HNRNPM: variants seen among roughly 807,000 people sequenced by gnomAD.
The protein encoded by HNRNPM is heterogeneous nuclear ribonucleoprotein M.
Under a neutral mutation model 73.1 loss-of-function variants are expected in HNRNPM, and 11 were observed. The ratio of observed to expected loss-of-function variants is 0.15; its 90% CI spans 0.09 to 0.25. The LOEUF (loss-of-function observed/expected upper bound fraction) is 0.25, where lower values mean the gene tolerates loss of function less well. Ranked by LOEUF, HNRNPM falls within the 10% of genes least tolerant of loss-of-function variation. The probability of loss-of-function intolerance (pLI) is 1.00; values close to 1 mark genes in which losing one functional copy is unlikely to be tolerated. For missense variants in HNRNPM, 789 were observed against 1,067.9 expected (o/e 0.74, Z 3.64); for synonymous variants, 407 against 355.2 (o/e 1.15, Z -1.64).
At chr19:8,469,975 T>C (rs1467841050) in intron 9 of HNRNPM, among the ~76,000 whole-genome samples, 1 of 152,208 alleles carries the variant, frequency 6.6e-6, no homozygotes, top group East Asian at 1.9e-4. Flanking sequence ...TAGAGAAGGA[T>C]TGCATTTCCT....
intron 1 of HNRNPM, among the ~76,000 whole-genome samples, chr19:8,447,458 G>A (rs1011007180): frequency 1.2e-4 from 19 of 152,240 alleles, no homozygotes; most frequent in Middle Eastern, 3.4e-3. Flanking sequence ...GGTGACCTCC[G>A]CCACCTGCTG....
intron 5 of HNRNPM, 106 bp downstream of exon 5, chr19:8,463,792 G>A: frequency 1.4e-6 from 1 of 717,754 alleles, no homozygotes; most frequent in Non-Finnish European, 2.4e-6. Context: ...TACAAAGCAA[G>A]TGCCAGCCTG....
At chr19:8,446,179 C>A (rs949963917) in intron 1 of HNRNPM, among the ~76,000 whole-genome samples, 1 of 152,144 alleles carries the variant, frequency 6.6e-6, no homozygotes, top group African/African-American at 2.4e-5. Context: ...GCCATTTTAA[C>A]CATTTTTTAA....
intron 5 of HNRNPM, 153 bp downstream of exon 5, chr19:8,463,839 C>T (rs1030009660): frequency 3.3e-6 from 2 of 600,598 alleles, no homozygotes; most frequent in Admixed American, 5.9e-5. Context: ...TAGCCTACAG[C>T]AGCCATTCCC....
intron 2 of HNRNPM, among the ~76,000 whole-genome samples, chr19:8,457,819 A>G (rs1398675167): frequency 2.0e-5 from 3 of 152,232 alleles, no homozygotes; most frequent in African/African-American, 7.2e-5. Context: ...TTTGTTGCGC[A>G]TAAGTTTTAA....
Position 8,465,497 on chromosome 19 carries a change from C to T in HNRNPM, c.612C>T (p.Ser204=). The T allele has an allele frequency of 6.2e-7, 1 of 1,608,770 alleles. No homozygotes were observed. Among genetic ancestry groups the T allele is most frequent in the Non-Finnish European group, 8.5e-7 (1 of 1,177,180 alleles). Residue 204 remains serine (S), a synonymous_variant, in exon 6 of 16, where the codon AGC becomes AGT. Transcript: ENST00000325495. ...IHALQAGRLG[S]TVFVANLDYK... is the part of the protein sequence containing the mutation. ...CATTACAGGCTGGAAGACTTGGAAG[C>T]ACAGTATTTGTAGCAAATGTAAGTA...
chr19:8,488,494 G>T (rs748607578), intron 15 of HNRNPM, 197 bp from the exon 16 acceptor site: 2 of 464,792 alleles, frequency 4.3e-6, no homozygotes, highest in Admixed American at 3.6e-5. Context: ...CCGCCAGGAA[G>T]GCTTTTCATG....
At chr19:8,455,671 G>C (rs1968954421) in intron 2 of HNRNPM, 97 bp downstream of exon 2, 2 of 902,508 alleles carry the variant, frequency 2.2e-6, no homozygotes, top group East Asian at 5.0e-5. Context: ...AAGCGGCTCT[G>C]GGTAGAGCAT....
At chr19:8,457,306 T>G (rs1296788041) in intron 2 of HNRNPM, among the ~76,000 whole-genome samples, 1 of 152,204 alleles carries the variant, frequency 6.6e-6, no homozygotes. Context: ...CCATGGTGTT[T>G]CTGGATGTAG....
Position 8,485,838 on chromosome 19 carries a change from G to A in HNRNPM, c.1410G>A (p.Glu470=). Residue 470 remains glutamate, a synonymous_variant, in exon 14 of 16, where the codon GAG becomes GAA. Coordinates refer to ENST00000325495, the MANE Select transcript of HNRNPM (RefSeq NM_005968.5). Reference sequence around the variant, plus strand: ...TCGACCACATGGCCTCCAGCATTGAGCGCATGGGCCAGACCATGGAGCGCA... The same window carrying A: ...TCGACCACATGGCCTCCAGCATTGAACGCATGGGCCAGACCATGGAGCGCA... The part of the protein sequence containing the change: ...LGLDHMASSI[E]RMGQTMERIG... 2 of 1,603,836 alleles carry A rather than the reference G, an allele frequency of 1.2e-6. No individual in the cohort carries two copies. The highest frequency in any genetic ancestry group is 1.7e-6 in the Non-Finnish European group (2 of 1,179,678).
At chr19:8,483,410 G>A (rs1388949819) in intron 13 of HNRNPM, among the ~76,000 whole-genome samples, 199 bp downstream of exon 13, 1 of 152,196 alleles carries the variant, frequency 6.6e-6, no homozygotes. Context: ...GTAAAATGGG[G>A]GTGTAATAGT....
Position 8,462,122 on chromosome 19 carries a change from A to G in HNRNPM, c.284-407A>G, listed in dbSNP as rs1440531988. ...ATTTATAGCATGTGAGCTCAGCCCGATGGCATCGCAATTTGTATGCATTTC... is the reference window on the plus strand; with the variant it reads ...ATTTATAGCATGTGAGCTCAGCCCGGTGGCATCGCAATTTGTATGCATTTC... On this transcript the variant is annotated intron_variant, in intron 2 of 15. Transcript: ENST00000325495. This position sits in a 1 kb window ranked among gnomAD's most constrained non-coding sequence, Gnocchi z 4.5. 1.0e-5 allele frequency: 2 copies of G among 197,258 alleles called. No individual in the cohort carries two copies. Among genetic ancestry groups the G allele is most frequent in the Non-Finnish European group, 2.1e-5 (2 of 94,014 alleles). 12.2% of individuals were successfully genotyped at this position (197,258 alleles called of 1,614,324 possible).
intron 9 of HNRNPM, 44 bp downstream of exon 9, chr19:8,468,878 A>G: frequency 7.0e-7 from 1 of 1,436,716 alleles, no homozygotes; most frequent in Non-Finnish European, 9.8e-7. Flanking sequence ...AATTGGAGTT[A>G]CACTAATAAA....
Position 8,486,232 on chromosome 19 carries a change from G to T in HNRNPM, c.1804G>T (p.Ala602Ser). 6.3e-7 allele frequency: 1 copy of T among 1,590,144 alleles called. No individual in the cohort carries two copies. The highest frequency in any genetic ancestry group is 8.5e-7 in the Non-Finnish European group (1 of 1,169,640). ...MGPAMGPALG[A>S]GIERMGLAMG... ...CCCTGCCATGGGCCCGGCCCTGGGC[G>T]CTGGCATTGAGCGCATGGGCCTGGC... Residue 602 changes from alanine (A) to serine (S), a missense_variant, in exon 14 of 16, where the codon GCT becomes TCT. Ala to Ser is a moderately conservative substitution (Grantham distance 99). Around this residue, in one of 4 missense-constraint regions of HNRNPM, gnomAD observed 604 missense variants for 744.0 expected, o/e 0.81. Transcript: ENST00000325495.
At chr19:8,466,845 A>AAT (rs1969789587) in intron 7 of HNRNPM, among the ~76,000 whole-genome samples, 1 of 151,158 alleles carries the variant, frequency 6.6e-6, no homozygotes, top group Admixed American at 6.6e-5. Context: ...AAAAAAAAAA[A>AAT]AAAAAAAGGT....
At chr19:8,460,696 C>G (rs990905312) in intron 2 of HNRNPM, among the ~76,000 whole-genome samples, 15 of 152,196 alleles carry the variant, frequency 9.9e-5, no homozygotes, top group Non-Finnish European at 7.3e-5. Flanking sequence ...CTAGAAACTT[C>G]CCATGCAACT....
intron 2 of HNRNPM, among the ~76,000 whole-genome samples, chr19:8,459,309 G>T (rs967979928): frequency 3.3e-5 from 5 of 152,184 alleles, no homozygotes; most frequent in Non-Finnish European, 7.3e-5. Flanking sequence ...GGCTTACCCC[G>T]TGTGGTCTCT....
At chr19:8,485,036 T>G (rs542766260) in intron 13 of HNRNPM, among the ~76,000 whole-genome samples, 1 of 152,004 alleles carries the variant, frequency 6.6e-6, no homozygotes, top group South Asian at 2.1e-4. Context: ...CGGTGTGTGT[T>G]TTTTTGACCT....
At chr19:8,477,151 G>T (rs1970567871) in intron 12 of HNRNPM, among the ~76,000 whole-genome samples, 1 of 152,136 alleles carries the variant, frequency 6.6e-6, no homozygotes, top group Non-Finnish European at 1.5e-5. Flanking sequence ...GGAGTGAGAT[G>T]ATTAATAACT....
Sources: gnomAD v4.1 joint callset for allele counts (sites outside exome capture counted in the v4.1 genomes callset) on GRCh38, gnomAD v4.1.1 for gene constraint, gnomAD v4.1.1 regional missense constraint, Gnocchi (gnomAD v3.1) non-coding constraint, MANE v1.5 for transcripts, NCBI Gene and HGNC (gene_info 2026-07-23, HGNC 2026-07-21) for gene names.